LRBA: variants seen among roughly 807,000 people sequenced by gnomAD.
LRBA encodes lipopolysaccharide-responsive and beige-like anchor protein.
A neutral mutation model predicts 330.0 loss-of-function variants in LRBA; 176 were observed. The ratio of observed to expected loss-of-function variants is 0.53; its 90% CI spans 0.47 to 0.60. The LOEUF is 0.60. LRBA is among the 20% of genes least tolerant of loss of function. The pLI is 0.00. For synonymous variants in LRBA, 1,230 were observed against 1,193.0 expected, an observed-to-expected ratio of 1.03 and a Z score of -0.64; for missense variants, 3,259 against 3,444.8, an observed-to-expected ratio of 0.95 and a Z score of 1.35.
intron 40 of LRBA, among the ~76,000 whole-genome samples, chr4:150,550,090 T>A (rs955884940): frequency 4.6e-5 from 7 of 152,212 alleles, no homozygotes; most frequent in Non-Finnish European, 8.8e-5. Flanking sequence ...CTCATTAGTT[T>A]TAGCAAATTC....
chr4:150,798,218 T>C, intron 33 of LRBA, 76 bp from the exon 34 acceptor site: 1 of 928,412 alleles, frequency 1.1e-6, no homozygotes, highest in East Asian at 2.5e-5. Flanking sequence ...ATCCAAACTG[T>C]TTCTTCAAAT....
rs1750745871 is a variant in LRBA, at chr4:150,852,623, T to C, written c.3087A>G (p.Pro1029=). Reference sequence around the variant, plus strand: ...GTGTTTCTTCCAAAGTGCCTTCATCTGGTAACTCCTGATTTTCTTGCTCAG... The same window carrying C: ...GTGTTTCTTCCAAAGTGCCTTCATCCGGTAACTCCTGATTTTCTTGCTCAG... The part of the protein sequence containing the change: ...MKAEQENQEL[P]DEGTLEETLT... The change falls in exon 23 of 57, where the codon CCA becomes CCG. Residue 1029 remains proline (P), a synonymous_variant. Transcript: ENST00000651943. The C allele has an allele frequency of 1.2e-6, 2 of 1,614,114 alleles. No homozygotes were observed. Among genetic ancestry groups the C allele is most frequent in the South Asian group, 1.1e-5 (1 of 91,086 alleles).
rs773155703 is a variant in LRBA, at chr4:150,286,041, GA to G, written c.8018-8del. ...CGAGGAGCAGCAGTCTCACCTTTAG[GA>G]AAAAACAGATAAAAAGAACAAATCA... On this transcript the variant is annotated splice_polypyrimidine_tract_variant and splice_region_variant and intron_variant, in intron 53 of 56. Coordinates refer to ENST00000651943, the MANE Select transcript of LRBA (RefSeq NM_001364905.1). 1.3e-6 allele frequency: 2 copies of G among 1,526,080 alleles called. No homozygotes were observed. The highest frequency in any genetic ancestry group is 1.8e-6 in the Non-Finnish European group (2 of 1,130,802). 94.5% of individuals were successfully genotyped at this position (1,526,080 alleles called of 1,614,324 possible).
intron 30 of LRBA, among the ~76,000 whole-genome samples, chr4:150,824,009 G>A (rs1291755330): frequency 6.6e-6 from 1 of 152,098 alleles, no homozygotes; most frequent in Non-Finnish European, 1.5e-5. Context: ...TGAATCTGTA[G>A]ATTGCTTTGG....
intron 34 of LRBA, among the ~76,000 whole-genome samples, chr4:150,795,432 T>C (rs1285967185): frequency 6.6e-6 from 1 of 152,042 alleles, no homozygotes; most frequent in Non-Finnish European, 1.5e-5. Context: ...CTGAAGAATG[T>C]AAGCAGTCTT....
intron 2 of LRBA, among the ~76,000 whole-genome samples, chr4:151,000,779 G>A (rs1266074967): frequency 6.6e-6 from 1 of 152,220 alleles, no homozygotes; most frequent in Non-Finnish European, 1.5e-5. Context: ...CCAAAATAGT[G>A]AGTAATCACA....
At chr4:150,988,655 T>C (rs1199116907) in intron 2 of LRBA, among the ~76,000 whole-genome samples, 1 of 152,090 alleles carries the variant, frequency 6.6e-6, no homozygotes, top group Non-Finnish European at 1.5e-5. Context: ...CTCGGCTCAC[T>C]GCAACCTCTG....
intron 17 of LRBA, among the ~76,000 whole-genome samples, chr4:150,888,698 A>G (rs1021628492): frequency 6.6e-6 from 1 of 152,222 alleles, no homozygotes; most frequent in Non-Finnish European, 1.5e-5. Context: ...TTCAAATAAA[A>G]ACAACATAGA....
At chr4:150,953,843 C>A (rs950657179) in intron 2 of LRBA, among the ~76,000 whole-genome samples, 5 of 149,684 alleles carry the variant, frequency 3.3e-5, no homozygotes, top group East Asian at 2.0e-4. Context: ...ATGTGAGGAG[C>A]CCCTCTGCCT....
chr4:151,011,597 C>CAAA (rs77338885), intron 2 of LRBA, among the ~76,000 whole-genome samples: 24 of 90,522 alleles, frequency 2.7e-4, no homozygotes, highest in East Asian at 1.2e-3. Context: ...GACTCTATCT[C>CAAA]AAAAAAAAAA....
chr4:150,507,070 A>C (rs1382421504), intron 40 of LRBA, among the ~76,000 whole-genome samples: 1 of 151,822 alleles, frequency 6.6e-6, no homozygotes, highest in Non-Finnish European at 1.5e-5. Flanking sequence ...GCTCAATGAA[A>C]TAAAAGAGGA....
chr4:150,542,258 T>C (rs1437743120), intron 40 of LRBA, among the ~76,000 whole-genome samples: 1 of 152,176 alleles, frequency 6.6e-6, no homozygotes, highest in Non-Finnish European at 1.5e-5. Context: ...AATTCTGGAA[T>C]TGGACTACCT....
At chr4:150,320,835 C>A (rs908726469) in intron 50 of LRBA, among the ~76,000 whole-genome samples, 5 of 151,608 alleles carry the variant, frequency 3.3e-5, no homozygotes, top group African/African-American at 1.2e-4. Context: ...TGTAAAAACC[C>A]AAGTGTTTAT....
intron 36 of LRBA, among the ~76,000 whole-genome samples, chr4:150,702,054 G>C (rs1056387795): frequency 1.3e-5 from 2 of 152,150 alleles, no homozygotes; most frequent in African/African-American, 2.4e-5. Flanking sequence ...AATCAAGCGG[G>C]AGAATAAAGA....
At chr4:150,322,578 T>C (rs894252768) in intron 49 of LRBA, among the ~76,000 whole-genome samples, 1 of 152,202 alleles carries the variant, frequency 6.6e-6, no homozygotes, top group African/African-American at 2.4e-5. Flanking sequence ...AAAAATTAAA[T>C]ACATTTGCAT....
chr4:150,691,596 T>G (rs1189268683), intron 36 of LRBA, among the ~76,000 whole-genome samples: 1 of 152,222 alleles, frequency 6.6e-6, no homozygotes, highest in Non-Finnish European at 1.5e-5. Flanking sequence ...CCTACCTTGG[T>G]GGTTGAATTG....
intron 40 of LRBA, among the ~76,000 whole-genome samples, chr4:150,517,022 TA>T (rs1762428044): frequency 6.6e-6 from 1 of 152,176 alleles, no homozygotes; most frequent in South Asian, 2.1e-4. Flanking sequence ...TTCAGTCATT[TA>T]AAAGAATGAA....
At chr4:150,638,492 A>G (rs909451280) in intron 37 of LRBA, among the ~76,000 whole-genome samples, 1 of 152,202 alleles carries the variant, frequency 6.6e-6, no homozygotes, top group African/African-American at 2.4e-5. Flanking sequence ...ATAAAATGCT[A>G]TTTTCAAGAA....
intron 29 of LRBA, 110 bp downstream of exon 29, chr4:150,831,707 C>T: frequency 1.2e-6 from 1 of 809,968 alleles, no homozygotes; most frequent in Non-Finnish European, 1.8e-6. Flanking sequence ...TATGCTCTCC[C>T]TTAATTTGCA....
Sources: gnomAD v4.1 joint callset for allele counts (sites outside exome capture counted in the v4.1 genomes callset) on GRCh38, gnomAD v4.1.1 for gene constraint, MANE v1.5 for transcripts, NCBI Gene and HGNC (gene_info 2026-07-23, HGNC 2026-07-21) for gene names.